Variants in CCL28 observed in about 807,000 individuals in gnomAD.
CCL28 encodes C-C motif chemokine 28.
In CCL28, 4 loss-of-function variants were observed where a neutral mutation model predicts 7.1. That is an observed-to-expected ratio of 0.56 (90% CI 0.28 to 1.29). The LOEUF is 1.29. Among genes scored for constraint, CCL28 ranks in the 50% most tolerant of loss-of-function variants. The pLI is 0.11. For synonymous variants in CCL28, 55 were observed against 57.8 expected (o/e 0.95, Z 0.22); for missense variants, 151 against 163.4 (o/e 0.92, Z 0.41).
downstream of CCL28, among the ~76,000 whole-genome samples, chr5:43,373,417 C>T (rs1320307144): frequency 6.6e-6 from 1 of 152,126 alleles, no homozygotes; most frequent in Non-Finnish European, 1.5e-5. Context: ...TCTCCTGCCT[C>T]AGCCTCCCGA....
At chr5:43,401,068 G>A (rs1484893730) in intron 1 of CCL28, among the ~76,000 whole-genome samples, 3 of 147,180 alleles carry the variant, frequency 2.0e-5, no homozygotes, top group Non-Finnish European at 4.5e-5. Flanking sequence ...GGGCAACAGA[G>A]CAAGACTCCG....
the CCL28 span, among the ~76,000 whole-genome samples, chr5:43,358,129 C>G: frequency 1.3e-5 from 2 of 152,184 alleles, no homozygotes; most frequent in Non-Finnish European, 2.9e-5. Context: ...CAATACAGGC[C>G]CTTCCCCAAC....
At chr5:43,398,027 G>GT (rs1740884820) in intron 1 of CCL28, among the ~76,000 whole-genome samples, 1 of 152,090 alleles carries the variant, frequency 6.6e-6, no homozygotes, top group African/African-American at 2.4e-5. Context: ...GTACCGACAT[G>GT]TTTCTTTTTG....
chr5:43,403,995 A>C (rs559018023), intron 1 of CCL28, among the ~76,000 whole-genome samples: 1 of 152,332 alleles, frequency 6.6e-6, no homozygotes, highest in Admixed American at 6.5e-5. Flanking sequence ...GCCTCCAAGA[A>C]ATATGGGACT....
Position 43,379,646 on chromosome 5 carries a change from A to T in CCL28, c.*2214T>A, listed in dbSNP as rs1311550445. On this transcript the variant is annotated 3_prime_UTR_variant, in exon 3 of 3. Coordinates refer to ENST00000361115, the MANE Select transcript of CCL28 (RefSeq NM_148672.3). Reference sequence around the variant, plus strand: ...TGTGTCCCATTATCACCTCCAAGACATCCTGGCAACACCACCGCTTGGGAC... The same window carrying T: ...TGTGTCCCATTATCACCTCCAAGACTTCCTGGCAACACCACCGCTTGGGAC... 6.6e-6 allele frequency: 1 copy of T among 152,244 alleles called. No individual in the cohort carries two copies. Among genetic ancestry groups the T allele is most frequent in the Non-Finnish European group, 1.5e-5 (1 of 68,066 alleles). 9.4% of individuals were successfully genotyped at this position (152,244 alleles called of 1,614,324 possible).
At chr5:43,383,073 C>G (rs1740187831) in intron 2 of CCL28, among the ~76,000 whole-genome samples, 1 of 152,150 alleles carries the variant, frequency 6.6e-6, no homozygotes, top group African/African-American at 2.4e-5. Flanking sequence ...CTCGCCTCAG[C>G]CCCCGAAGTG....
At chr5:43,386,811 GA>G (rs1740353817) in intron 2 of CCL28, among the ~76,000 whole-genome samples, 1 of 152,064 alleles carries the variant, frequency 6.6e-6, no homozygotes, top group Non-Finnish European at 1.5e-5. Context: ...TGAAAGGGGG[GA>G]AAATATATTT....
At chr5:43,409,776 A>G (rs1434429215) in intron 1 of CCL28, among the ~76,000 whole-genome samples, 1 of 152,090 alleles carries the variant, frequency 6.6e-6, no homozygotes, top group Non-Finnish European at 1.5e-5. Flanking sequence ...TTAATGTACA[A>G]TAAAACAGCC....
chr5:43,364,869 G>C, the CCL28 span, among the ~76,000 whole-genome samples: 8 of 152,062 alleles, frequency 5.3e-5, no homozygotes, highest in African/African-American at 1.9e-4. Flanking sequence ...ACAGAGACTA[G>C]GATTGCAACC....
At chr5:43,410,798 C>T (rs1190891423) in intron 1 of CCL28, among the ~76,000 whole-genome samples, 1 of 152,092 alleles carries the variant, frequency 6.6e-6, no homozygotes, top group Non-Finnish European at 1.5e-5. Context: ...AGCAGGTAGG[C>T]CTTTCAGAAA....
At chr5:43,410,514 C>T (rs1474364785) in intron 1 of CCL28, among the ~76,000 whole-genome samples, 1 of 152,170 alleles carries the variant, frequency 6.6e-6, no homozygotes, top group South Asian at 2.1e-4. Context: ...CACCAGCAGC[C>T]GTACCTTTTC....
chr5:43,388,401 T>C lies in CCL28; in HGVS notation c.140A>G (p.Asn47Ser), dbSNP rs745778512. 6.2e-7 allele frequency: 1 copy of C among 1,614,078 alleles called. No homozygotes were observed. Among genetic ancestry groups the C allele is most frequent in the Non-Finnish European group, 8.5e-7 (1 of 1,179,988 alleles). ...ATCAGCTCTCTGGATGCGACACATATTCACTCTTTCCAGGAGCCTTCTGGA... is the reference window on the plus strand; with the variant it reads ...ATCAGCTCTCTGGATGCGACACATACTCACTCTTTCCAGGAGCCTTCTGGA... ...HISRRLLERV[N>S]MCRIQRADGD... The change falls in exon 2 of 3, where the codon AAT becomes AGT. Residue 47 changes from asparagine (N) to serine (S), a missense_variant. Coordinates refer to ENST00000361115, the MANE Select transcript of CCL28 (RefSeq NM_148672.3).
intron 1 of CCL28, among the ~76,000 whole-genome samples, chr5:43,398,991 T>C (rs1423070533): frequency 6.6e-6 from 1 of 152,214 alleles, no homozygotes; most frequent in Admixed American, 6.5e-5. Context: ...ATTTTTACTA[T>C]GTCAGTAACT....
At chr5:43,392,164 T>G (rs1444112237) in intron 1 of CCL28, among the ~76,000 whole-genome samples, 2 of 152,214 alleles carry the variant, frequency 1.3e-5, no homozygotes, top group African/African-American at 4.8e-5. Flanking sequence ...TCACCAAGGC[T>G]GGAGTGCAGT....
downstream of CCL28, among the ~76,000 whole-genome samples, chr5:43,372,250 G>A (rs1739799029): frequency 6.6e-6 from 1 of 152,084 alleles, no homozygotes; most frequent in Non-Finnish European, 1.5e-5. Context: ...ATTTGTATCT[G>A]GTCTTGTTCT....
intron 1 of CCL28, among the ~76,000 whole-genome samples, chr5:43,406,811 A>G (rs1156617759): frequency 1.3e-5 from 2 of 152,230 alleles, no homozygotes; most frequent in Non-Finnish European, 2.9e-5. Context: ...TACAAAATCA[A>G]TGTGCAAAAA....
Position 43,412,267 on chromosome 5 carries a change from A to G in CCL28, c.50T>C (p.Leu17Pro). 1 of 1,612,042 alleles carries G rather than the reference A, an allele frequency of 6.2e-7. No individual in the cohort carries two copies. Among genetic ancestry groups the G allele is most frequent in the Non-Finnish European group, 8.5e-7 (1 of 1,178,900 alleles). Reference protein sequence around the residue: ...AIVALAVCAALHASEAILPIA... With the variant: ...AIVALAVCAAPHASEAILPIA... ...CCCCCACTCACCTTCTGAGGCATGT[A>G]GGGCCGCACAGACAGCCAAGGCCAC... The change falls in exon 1 of 3, where the codon CTA becomes CCA. Residue 17 changes from leucine to proline, a missense_variant. Transcript: ENST00000361115.
chr5:43,363,138 C>T, the CCL28 span, among the ~76,000 whole-genome samples: 10 of 152,278 alleles, frequency 6.6e-5, no homozygotes, highest in South Asian at 1.9e-3. Flanking sequence ...CAGTCCAAAG[C>T]AGGGCACTTT....
intron 1 of CCL28, among the ~76,000 whole-genome samples, chr5:43,409,055 C>G (rs1202660023): frequency 6.6e-6 from 1 of 151,986 alleles, no homozygotes; most frequent in Non-Finnish European, 1.5e-5. Context: ...AGGCAGGAGA[C>G]TTGCTTGAGG....
Sources: gnomAD v4.1 joint callset for allele counts (sites outside exome capture counted in the v4.1 genomes callset) on GRCh38, gnomAD v4.1.1 for gene constraint, MANE v1.5 for transcripts, NCBI Gene and HGNC (gene_info 2026-07-23, HGNC 2026-07-21) for gene names.